The following SYNE1 variants were observed in gnomAD, a reference collection of about 807,000 sequenced individuals.
SYNE1 encodes the protein spectrin repeat containing nuclear envelope protein 1.
Under a neutral mutation model 1,111.0 loss-of-function variants are expected in SYNE1, and 616 were observed. The observed-to-expected ratio is 0.55, with a 90% confidence interval of 0.52 to 0.59. SYNE1 has a LOEUF of 0.59. SYNE1 is among the 20% of genes least tolerant of loss of function. The pLI is 0.00. For synonymous variants in SYNE1, 3,855 were observed against 3,825.8 expected, an observed-to-expected ratio of 1.01 and a Z score of -0.28; for missense variants, 10,006 against 10,417.0, an observed-to-expected ratio of 0.96 and a Z score of 1.72.
intron 3 of SYNE1, among the ~76,000 whole-genome samples, chr6:152,548,680 T>G (rs2099326492): frequency 6.6e-6 from 1 of 152,144 alleles, no homozygotes; most frequent in African/African-American, 2.4e-5. Context: ...AATGGATGAA[T>G]GTACTTTCCA....
intron 65 of SYNE1, among the ~76,000 whole-genome samples, chr6:152,359,041 G>A (rs1022253158): frequency 1.3e-5 from 2 of 152,172 alleles, no homozygotes; most frequent in Admixed American, 1.3e-4. Flanking sequence ...GCATTTATGA[G>A]TCTTCAATTG....
chr6:152,241,627 T>C (rs1028133847), intron 107 of SYNE1, among the ~76,000 whole-genome samples: 2 of 151,916 alleles, frequency 1.3e-5, no homozygotes, highest in African/African-American at 4.8e-5. Context: ...TTTGATTACA[T>C]AGTAAACGGC....
rs2097378118 is a variant in SYNE1, at chr6:152,380,161, A to G, written c.9009+845T>C. Among the ~76,000 whole-genome samples, 5 of 152,350 alleles carry G rather than the reference A, an allele frequency of 3.3e-5. No homozygotes were observed. In the South Asian group the frequency reaches 1.0e-3, roughly 32 times the overall value. ...TTATGGCATGCTGCATTTGTTTCAA[A>G]TACTTGATTTAAAACCAGACACTGC... On this transcript the variant is annotated intron_variant, in intron 56 of 145. Transcript: ENST00000367255.
intron 106 of SYNE1, 142 bp from the exon 107 acceptor site, chr6:152,242,582 G>A: frequency 1.3e-6 from 1 of 798,900 alleles, no homozygotes; most frequent in Admixed American, 2.0e-5. Context: ...CGCTCTACCT[G>A]TAGGCCATCT....
intron 38 of SYNE1, 196 bp downstream of exon 38, chr6:152,427,497 C>T: frequency 1.6e-6 from 1 of 641,772 alleles, no homozygotes; most frequent in Non-Finnish European, 2.7e-6. Context: ...ACAAAGTTCT[C>T]ATTGTTAGTT....
In SYNE1 at chr6:152,234,774, A is replaced by G. The variant is rs2083602590; in HGVS notation, c.20423T>C (p.Ile6808Thr). ...GTCTTTTGCAGATTGTAACCAGTGA[A>G]TTAGATCTGCAGATTCACTTTGATA... ...TRYQSESADL[I>T]HWLQSAKDRL... The change falls in exon 111 of 146, where the codon ATT becomes ACT. Residue 6808 changes from isoleucine to threonine, a missense_variant. This residue lies in a region of SYNE1 where 2,182 missense variants were observed against 2,287.8 expected (regional missense o/e 0.95). Transcript: ENST00000367255. 6.2e-7 allele frequency: 1 copy of G among 1,614,058 alleles called. No homozygotes were observed. Among genetic ancestry groups the G allele is most frequent in the Non-Finnish European group, 8.5e-7 (1 of 1,180,036 alleles).
At position 152,330,476 on chromosome 6, in the gene SYNE1, T is replaced by TCGCAG. The variant is rs772173713; in HGVS notation, c.14208_14209insCTGCG (p.Lys4737LeufsTer28). The TCGCAG allele has an allele frequency of 6.2e-7, 1 of 1,614,158 alleles. No individual in the cohort carries two copies. Among genetic ancestry groups the TCGCAG allele is most frequent in the African/African-American group, 1.3e-5 (1 of 75,030 alleles). The stretch of plus-strand genomic sequence containing the variant: ...TGACCTGTGCTGCGAAAACCTTCTT[T>TCGCAG]TTTCTGGTTCAGTTCATCCACCGCC... On this transcript the variant is annotated frameshift_variant, in exon 78 of 146. Coordinates refer to ENST00000367255, the MANE Select transcript of SYNE1 (RefSeq NM_182961.4). LOFTEE classifies it high-confidence loss of function.
chr6:152,628,620 A>AAGG (rs926149168), intron 2 of SYNE1, 66 bp from the exon 3 acceptor site: 1 of 398,524 alleles, frequency 2.5e-6, no homozygotes, highest in Non-Finnish European at 4.5e-6. Context: ...ACAGTGCTAA[A>AAGG]AGGAGAAATA....
intron 127 of SYNE1, among the ~76,000 whole-genome samples, chr6:152,190,962 T>C (rs1403058359): frequency 1.3e-5 from 2 of 152,222 alleles, no homozygotes; most frequent in Non-Finnish European, 2.9e-5. Context: ...CTATGCTCAG[T>C]TTTTTGAGGG....
chr6:152,496,064 C>T (rs955376186), intron 11 of SYNE1, among the ~76,000 whole-genome samples: 3 of 152,106 alleles, frequency 2.0e-5, no homozygotes, highest in African/African-American at 7.2e-5. Context: ...TTCTGTGACT[C>T]CTCTACCTAC....
chr6:152,225,175 T>G (rs1432960595), intron 116 of SYNE1, among the ~76,000 whole-genome samples: 2 of 151,754 alleles, frequency 1.3e-5, no homozygotes, highest in African/African-American at 4.8e-5. Flanking sequence ...AAGATTATAC[T>G]GCTAGAATGT....
intron 76 of SYNE1, 115 bp downstream of exon 76, chr6:152,336,726 A>T: frequency 7.5e-7 from 1 of 1,331,216 alleles, no homozygotes. Flanking sequence ...GAGTTGTATT[A>T]ATGTCTAAGG....
rs1022457474 is a variant in SYNE1, at chr6:152,164,300, C to T, written c.23653G>A (p.Val7885Ile). Residue 7885 changes from valine to isoleucine, a missense_variant, in exon 131 of 146, where the codon GTA becomes ATA. Val to Ile is a conservative substitution (Grantham distance 29). This residue lies in a region of SYNE1 where 2,182 missense variants were observed against 2,287.8 expected (regional missense o/e 0.95). Transcript: ENST00000367255. The stretch of plus-strand genomic sequence containing the variant: ...TTCTTATCAAGCTGCTGCACGGCTA[C>T]CAGGGTCTCCTTCAGCTTCTTCACC... The part of the protein sequence containing the change: ...ARVKKLKETL[V>I]AVQQLDKNMS... 21 of 1,614,006 alleles carry T rather than the reference C, an allele frequency of 1.3e-5. No individual in the cohort carries two copies. Among genetic ancestry groups the T allele is most frequent in the Admixed American group, 3.3e-5 (2 of 60,002 alleles).
intron 18 of SYNE1, 30 bp downstream of exon 18, chr6:152,465,228 G>T: frequency 6.2e-7 from 1 of 1,610,066 alleles, no homozygotes; most frequent in Admixed American, 1.7e-5. Flanking sequence ...TACATCAAAC[G>T]TCTTTTCTTT....
intron 44 of SYNE1, among the ~76,000 whole-genome samples, chr6:152,408,807 G>T (rs1274174227): frequency 6.6e-6 from 1 of 152,112 alleles, no homozygotes; most frequent in Non-Finnish European, 1.5e-5. Flanking sequence ...CACAAAATTA[G>T]CTGGGCATGG....
chr6:152,565,632 A>T (rs1418227874), intron 3 of SYNE1, among the ~76,000 whole-genome samples: 2 of 152,090 alleles, frequency 1.3e-5, no homozygotes, highest in Non-Finnish European at 2.9e-5. Context: ...TTCGCTTTAA[A>T]ATCTTCCCTT....
At chr6:152,173,805 A>G (rs1002639597) in intron 130 of SYNE1, among the ~76,000 whole-genome samples, 1 of 152,220 alleles carries the variant, frequency 6.6e-6, no homozygotes, top group African/African-American at 2.4e-5. Context: ...GTAAGAGGAA[A>G]CAAAAATTAG....
At chr6:152,454,390 C>T (rs1427889628) in intron 24 of SYNE1, among the ~76,000 whole-genome samples, 1 of 152,114 alleles carries the variant, frequency 6.6e-6, no homozygotes, top group Non-Finnish European at 1.5e-5. Flanking sequence ...GGAGGGACAC[C>T]AGAAAGCTTG....
chr6:152,233,376 G>T (rs1345701835), intron 112 of SYNE1, among the ~76,000 whole-genome samples: 1 of 151,862 alleles, frequency 6.6e-6, no homozygotes, highest in Non-Finnish European at 1.5e-5. Context: ...CACCCAGGCT[G>T]GAGTGCAGTG....
Sources: allele counts gnomAD v4.1 joint callset (sites outside exome capture counted in the v4.1 genomes callset), GRCh38; gene constraint gnomAD v4.1.1; regional missense constraint gnomAD v4.1.1; transcripts MANE v1.5; gene names NCBI Gene and HGNC (gene_info 2026-07-23, HGNC 2026-07-21).